SHC4: variants seen among roughly 807,000 people sequenced by gnomAD.
The protein encoded by SHC4 is SHC-transforming protein 4.
Under a neutral mutation model 69.4 loss-of-function variants are expected in SHC4, and 41 were observed. The ratio of observed to expected loss-of-function variants is 0.59; its 90% CI spans 0.46 to 0.77. The LOEUF (loss-of-function observed/expected upper bound fraction) is 0.77, where lower values mean the gene tolerates loss of function less well. SHC4 is among the 30% of genes least tolerant of loss of function. The probability of loss-of-function intolerance (pLI) is 0.00; values close to 1 mark genes in which losing one functional copy is unlikely to be tolerated. For missense variants in SHC4, 777 were observed against 783.8 expected, an observed-to-expected ratio of 0.99 and a Z score of 0.10; for synonymous variants, 318 against 299.3, an observed-to-expected ratio of 1.06 and a Z score of -0.64.
At chr15:48,899,091 C>G (rs530462931) in intron 2 of SHC4, among the ~76,000 whole-genome samples, 1 of 151,052 alleles carries the variant, frequency 6.6e-6, no homozygotes, top group East Asian at 2.0e-4. Context: ...TAGTCACCCA[C>G]TTTATTCACT....
At chr15:48,844,166 T>C (rs1007544587) in intron 9 of SHC4, among the ~76,000 whole-genome samples, 1 of 152,318 alleles carries the variant, frequency 6.6e-6, no homozygotes, top group South Asian at 2.1e-4. Context: ...CTTGCACCAA[T>C]TGCTGATGTT....
Position 48,843,416 on chromosome 15 carries a change from G to A in SHC4, c.1476C>T (p.His492=), listed in dbSNP as rs1567050382. Residue 492 remains histidine, a synonymous_variant, in exon 10 of 12, where the codon CAC becomes CAT. Coordinates refer to ENST00000332408, the MANE Select transcript of SHC4 (RefSeq NM_203349.4). ...CAGTGAGTAGCTACTTACTTCCGCA[G>A]TGCCATGGGCTCCCCAGTGGTTGGG... ...RSAQPLGSPW[H]CGKAPETVQP... 1 of 1,609,958 alleles carries A rather than the reference G, an allele frequency of 6.2e-7. No homozygotes were observed. The highest frequency in any genetic ancestry group is 8.5e-7 in the Non-Finnish European group (1 of 1,177,154).
chr15:48,925,072 C>T (rs1900828104), intron 1 of SHC4, 123 bp from the exon 2 acceptor site: 2 of 901,122 alleles, frequency 2.2e-6, no homozygotes, highest in South Asian at 2.8e-5. Context: ...ACATTTGCAC[C>T]CTCTGCCTAC....
chr15:48,868,018 A>C (rs907207300), intron 5 of SHC4, 149 bp from the exon 6 acceptor site: 1 of 631,722 alleles, frequency 1.6e-6, no homozygotes, highest in African/African-American at 1.8e-5. Context: ...AAGGGAACAT[A>C]AACAAATATA....
intron 2 of SHC4, among the ~76,000 whole-genome samples, chr15:48,922,792 G>A (rs1167969217): frequency 6.6e-6 from 1 of 152,178 alleles, no homozygotes; most frequent in Non-Finnish European, 1.5e-5. Flanking sequence ...AAGAAAAAAT[G>A]TCTCAAGATT....
At chr15:48,882,403 G>A (rs1385501641) in intron 4 of SHC4, among the ~76,000 whole-genome samples, 3 of 152,104 alleles carry the variant, frequency 2.0e-5, no homozygotes, top group Non-Finnish European at 4.4e-5. Context: ...AAAAGCTATG[G>A]ATTACTTTCA....
chr15:48,885,550 G>A (rs1352364994), intron 3 of SHC4, among the ~76,000 whole-genome samples: 3 of 152,106 alleles, frequency 2.0e-5, no homozygotes, highest in African/African-American at 7.2e-5. Context: ...ACTGGAAAGT[G>A]GACCAGATGA....
intron 3 of SHC4, among the ~76,000 whole-genome samples, chr15:48,885,372 A>G (rs184893806): frequency 2.6e-4 from 40 of 152,354 alleles, no homozygotes; most frequent in African/African-American, 8.9e-4. Context: ...TGTTGTGAAG[A>G]TTAAATAATA....
intron 11 of SHC4, among the ~76,000 whole-genome samples, chr15:48,828,097 G>GTA (rs1898722889): frequency 4.0e-5 from 2 of 49,978 alleles, no homozygotes; most frequent in Admixed American, 3.2e-4. Flanking sequence ...GTATGTATGT[G>GTA]TGTGTGTGTG....
intron 11 of SHC4, among the ~76,000 whole-genome samples, chr15:48,833,916 C>T (rs962641201): frequency 6.6e-6 from 1 of 152,184 alleles, no homozygotes; most frequent in Non-Finnish European, 1.5e-5. Context: ...GAAGTGAATT[C>T]TGTGGTTCTC....
chr15:48,955,373 T>C (rs1901432834), intron 1 of SHC4, among the ~76,000 whole-genome samples: 1 of 152,194 alleles, frequency 6.6e-6, no homozygotes, highest in African/African-American at 2.4e-5. Flanking sequence ...TAGATCACTC[T>C]CCTGGTGATG....
At position 48,962,911 on chromosome 15, in the gene SHC4, G is replaced by C. The variant is rs777709891; in HGVS notation, c.105C>G (p.Asn35Lys). The change falls in exon 1 of 12, where the codon AAC becomes AAG. Residue 35 changes from asparagine (N) to lysine (K), a missense_variant. Coordinates refer to ENST00000332408, the MANE Select transcript of SHC4 (RefSeq NM_203349.4). ...LHRAKYSRFR[N>K]ESITSLDEGS... ...CTTCGTCCAAGGACGTGATCGACTC[G>C]TTCCGAAAGCGGCTGTACTTGGCCC... The C allele has an allele frequency of 1.9e-6, 3 of 1,613,338 alleles. No individual in the cohort carries two copies. Among genetic ancestry groups the C allele is most frequent in the Middle Eastern group, 1.6e-4 (1 of 6,062 alleles).
At chr15:48,843,294 G>A in intron 10 of SHC4, 115 bp downstream of exon 10, 1 of 1,035,184 alleles carries the variant, frequency 9.7e-7, no homozygotes, top group Non-Finnish European at 1.4e-6. Context: ...CAACCCTGCT[G>A]ACACTTTGAT....
chr15:48,962,548 G>A lies in SHC4; in HGVS notation c.468C>T (p.Thr156=), dbSNP rs201906816. ...GCGGGCACGAATCAGGGGTTAGGGC[G>A]GTTGCCCTGTGTCCCACCAGGTCCT... ...PQQDLVGHRA[T]ALTPDSCPLP... Residue 156 remains threonine, a synonymous_variant, in exon 1 of 12, where the codon ACC becomes ACT. Coordinates refer to ENST00000332408, the MANE Select transcript of SHC4 (RefSeq NM_203349.4). The A allele has an allele frequency of 6.2e-7, 1 of 1,608,224 alleles. No homozygotes were observed. Among genetic ancestry groups the A allele is most frequent in the Admixed American group, 1.7e-5 (1 of 59,580 alleles).
chr15:48,887,925 T>C (rs1900065229), intron 3 of SHC4, among the ~76,000 whole-genome samples: 1 of 152,180 alleles, frequency 6.6e-6, no homozygotes, highest in East Asian at 1.9e-4. Flanking sequence ...ATTCCTAGAA[T>C]ACCTATCAAG....
chr15:48,920,835 G>A (rs1479772441), intron 2 of SHC4, among the ~76,000 whole-genome samples: 1 of 152,038 alleles, frequency 6.6e-6, no homozygotes, highest in Non-Finnish European at 1.5e-5. Context: ...TGTAATCCCA[G>A]CACTTTGGAA....
At chr15:48,874,836 G>A (rs1899762817) in intron 4 of SHC4, among the ~76,000 whole-genome samples, 1 of 152,214 alleles carries the variant, frequency 6.6e-6, no homozygotes, top group Non-Finnish European at 1.5e-5. Context: ...TACAGCTGCA[G>A]CTGATGGCAG....
intron 3 of SHC4, among the ~76,000 whole-genome samples, chr15:48,888,789 G>A (rs1199358934): frequency 6.6e-6 from 1 of 151,498 alleles, no homozygotes; most frequent in African/African-American, 2.4e-5. Flanking sequence ...CAGATACTCG[G>A]GAGGCTGAGG....
At chr15:48,875,922 GC>G (rs1273409597) in intron 4 of SHC4, among the ~76,000 whole-genome samples, 2 of 152,124 alleles carry the variant, frequency 1.3e-5, no homozygotes, top group African/African-American at 4.8e-5. Flanking sequence ...TATTATACAT[GC>G]CCTTAACTCA....
Sources: allele counts gnomAD v4.1 joint callset (sites outside exome capture counted in the v4.1 genomes callset), GRCh38; gene constraint gnomAD v4.1.1; transcripts MANE v1.5; gene names NCBI Gene and HGNC (gene_info 2026-07-23, HGNC 2026-07-21).